Variants in CNTFR observed in about 807,000 individuals in gnomAD.
The protein encoded by CNTFR is ciliary neurotrophic factor receptor.
In CNTFR, 12 loss-of-function variants were observed where a neutral mutation model predicts 40.4. That is an observed-to-expected ratio of 0.30 (90% CI 0.19 to 0.48). CNTFR has a LOEUF of 0.48. Ranked by LOEUF, CNTFR falls within the 20% of genes least tolerant of loss-of-function variation. The probability of loss-of-function intolerance (pLI) is 0.99; values close to 1 mark genes in which losing one functional copy is unlikely to be tolerated. For synonymous variants in CNTFR, 202 were observed against 209.6 expected (o/e 0.96, Z 0.31); for missense variants, 414 against 506.8 (o/e 0.82, Z 1.76).
chr9:34,551,690 T>A lies in CNTFR; in HGVS notation c.*381A>T. On this transcript the variant is annotated 3_prime_UTR_variant, in exon 10 of 10. Transcript: ENST00000378980. ...GCATCAGGAGCTTATAATCTGATGG[T>A]GGCAACAGAGACCCTGGGATAGACA... 2 of 403,056 alleles carry A rather than the reference T, an allele frequency of 5.0e-6. No individual in the cohort carries two copies. The highest frequency in any genetic ancestry group is 4.6e-5 in the South Asian group (2 of 43,412). The allele number at this position is 403,056 out of a possible 1,614,324, so 25.0% of individuals were successfully genotyped here.
chr9:34,589,891 C>G (rs1271284760), upstream of CNTFR, among the ~76,000 whole-genome samples: 1 of 149,816 alleles, frequency 6.7e-6, no homozygotes, highest in Non-Finnish European at 1.5e-5. This position sits in a 1 kb window ranked among gnomAD's most constrained non-coding sequence, Gnocchi z 4.4. Context: ...CGCGGCCGCG[C>G]GCCACGACCC....
chr9:34,557,413 C>T lies in CNTFR; in HGVS notation c.604+113G>A. On this transcript the variant is annotated intron_variant, in intron 6 of 9. Transcript: ENST00000378980. The surrounding 1 kb of genome is among the most constrained non-coding windows in gnomAD (Gnocchi z 4.2). The stretch of plus-strand genomic sequence containing the variant: ...TGCACTGTACATACCTGTGCAGAGG[C>T]ATGTACATGCCATGTATACATGTGC... 1.7e-6 allele frequency: 2 copies of T among 1,162,898 alleles called. No individual in the cohort carries two copies. The highest frequency in any genetic ancestry group is 1.5e-5 in the South Asian group (1 of 68,518). The allele number at this position is 1,162,898 out of a possible 1,614,324, so 72.0% of individuals were successfully genotyped here.
chr9:34,551,906 G>T lies in CNTFR; in HGVS notation c.*165C>A, dbSNP rs1053610296. 3 of 706,322 alleles carry T rather than the reference G, an allele frequency of 4.2e-6. No individual in the cohort carries two copies. The highest frequency in any genetic ancestry group is 2.0e-5 in the Admixed American group (1 of 49,550). The allele number at this position is 706,322 out of a possible 1,614,324, so 43.8% of individuals were successfully genotyped here. A position where few individuals can be genotyped will look rare whatever the true frequency, so the allele number is the denominator to read the frequency against. On this transcript the variant is annotated 3_prime_UTR_variant, in exon 10 of 10. Coordinates refer to ENST00000378980, the MANE Select transcript of CNTFR (RefSeq NM_147164.3). ...AGGGCCAGCTTGGTGCGGCAGGGCT[G>T]GGGGGCGGCAGGCCCGGGCCCGCCG...
rs764924216 is a variant in CNTFR, at chr9:34,552,068, G to T, written c.*3C>A. On this transcript the variant is annotated 3_prime_UTR_variant, in exon 10 of 10. Coordinates refer to ENST00000378980, the MANE Select transcript of CNTFR (RefSeq NM_147164.3). The surrounding 1 kb of genome is among the most constrained non-coding windows in gnomAD (Gnocchi z 5.1). The stretch of plus-strand genomic sequence containing the variant: ...CTCTGCATGTCCTCATGGGGTGCCG[G>T]GCTCTGTAGAGACAGGCAGGGGCCT... 8 of 1,513,932 alleles carry T rather than the reference G, an allele frequency of 5.3e-6. No individual in the cohort carries two copies. In the African/African-American group the frequency reaches 9.6e-5, roughly 18 times the overall value. The allele number at this position is 1,513,932 out of a possible 1,614,324, so 93.8% of individuals were successfully genotyped here. A position where few individuals can be genotyped will look rare whatever the true frequency, so the allele number is the denominator to read the frequency against.
chr9:34,571,753 A>G (rs1178538645), intron 2 of CNTFR, among the ~76,000 whole-genome samples: 2 of 152,090 alleles, frequency 1.3e-5, no homozygotes, highest in Admixed American at 1.3e-4. Context: ...GCCAAGACAG[A>G]CACTGCAGGG....
In CNTFR at chr9:34,552,221, C is replaced by G; in HGVS notation, c.1058G>C (p.Ser353Thr). 1.3e-6 allele frequency: 2 copies of G among 1,573,996 alleles called. No individual in the cohort carries two copies. The highest frequency in any genetic ancestry group is 1.7e-6 in the Non-Finnish European group (2 of 1,160,046). The change falls in exon 9 of 10, where the codon AGC becomes ACC. Residue 353 changes from serine to threonine, a missense_variant. Ser to Thr is a moderately conservative substitution (Grantham distance 58). Coordinates refer to ENST00000378980, the MANE Select transcript of CNTFR (RefSeq NM_147164.3). The surrounding 1 kb of genome is among the most constrained non-coding windows in gnomAD (Gnocchi z 5.1). ...GGGPSAPFLV[S>T]VPITLALAAA... is the part of the protein sequence containing the mutation. ...AGCCAGGGCCAGAGTGATGGGGACG[C>G]TGACCAAGAAGGGTGCCGAGGGTCC... is the stretch of plus-strand genomic sequence containing the variant.
At chr9:34,576,676 T>C (rs1826981193) in intron 2 of CNTFR, among the ~76,000 whole-genome samples, 1 of 152,238 alleles carries the variant, frequency 6.6e-6, no homozygotes, top group Non-Finnish European at 1.5e-5. Context: ...GGGAGATCCA[T>C]TCCAGACAGG....
rs1344314425 is a variant in CNTFR at position 34,557,345 on chromosome 9, C to T, written c.604+181G>A. Among the ~76,000 whole-genome samples, 4 of 152,178 alleles carry T rather than the reference C, an allele frequency of 2.6e-5. No individual in the cohort carries two copies. Among genetic ancestry groups the T allele is most frequent in the African/African-American group, 7.2e-5 (3 of 41,432 alleles). On this transcript the variant is annotated intron_variant, in intron 6 of 9. Transcript: ENST00000378980. The surrounding 1 kb of genome is among the most constrained non-coding windows in gnomAD (Gnocchi z 4.2). ...TTCAGGTAAAGGACATTCACTTACA[C>T]GTTCACAGGTGTATATGTCATGCAT... is the stretch of plus-strand genomic sequence containing the variant.
rs1825902247 is a variant in CNTFR at position 34,557,631 on chromosome 9, G to A, written c.499C>T (p.Arg167Cys). Reference sequence around the variant, plus strand: ...ATGGTGGAGAACAGGTGCATGTAGCGAATGTGGCAGCGGTTCTTGAGGGCT... The same window carrying A: ...ATGGTGGAGAACAGGTGCATGTAGCAAATGTGGCAGCGGTTCTTGAGGGCT... ...DPALKNRCHI[R>C]YMHLFSTIKY... Residue 167 changes from arginine (R) to cysteine (C), a missense_variant, in exon 6 of 10, where the codon CGC (arginine) becomes TGC (cysteine). Transcript: ENST00000378980. This position sits in a 1 kb window ranked among gnomAD's most constrained non-coding sequence, Gnocchi z 4.2. 8 of 1,614,218 alleles carry A rather than the reference G, an allele frequency of 5.0e-6. No homozygotes were observed. The highest frequency in any genetic ancestry group is 2.2e-5 in the East Asian group (1 of 44,890).
At chr9:34,555,574 C>T (rs1353152505) in intron 7 of CNTFR, among the ~76,000 whole-genome samples, 2 of 152,094 alleles carry the variant, frequency 1.3e-5, no homozygotes, top group Non-Finnish European at 2.9e-5. Context: ...TAGTCTGACC[C>T]CATACTGACC....
At chr9:34,576,981 C>G (rs971863094) in intron 2 of CNTFR, among the ~76,000 whole-genome samples, 6 of 152,364 alleles carry the variant, frequency 3.9e-5, no homozygotes, top group South Asian at 4.1e-4. Flanking sequence ...AGCCCCCCAG[C>G]CCCCACCAAA....
Position 34,557,305 on chromosome 9 carries a change from C to G in CNTFR, c.604+221G>C, listed in dbSNP as rs1283281898. On this transcript the variant is annotated intron_variant, in intron 6 of 9. Coordinates refer to ENST00000378980, the MANE Select transcript of CNTFR (RefSeq NM_147164.3). The surrounding 1 kb of genome is among the most constrained non-coding windows in gnomAD (Gnocchi z 4.2). ...AAAAATGATCGAAAGAGCTGCTGGA[C>G]AGGTCTCTCGGCCCTTCAGGTAAAG... 6.6e-6 allele frequency among the ~76,000 whole-genome samples: 1 copy of G among 152,188 alleles called. No homozygotes were observed. Among genetic ancestry groups the G allele is most frequent in the Non-Finnish European group, 1.5e-5 (1 of 68,026 alleles).
chr9:34,556,018 A>G (rs1351054239), intron 7 of CNTFR, among the ~76,000 whole-genome samples: 2 of 140,692 alleles, frequency 1.4e-5, no homozygotes, highest in Non-Finnish European at 1.5e-5. Context: ...CCACGACCCC[A>G]GGGAGCCACA....
chr9:34,590,406 C>G (rs1467967947), upstream of CNTFR, among the ~76,000 whole-genome samples: 1 of 152,206 alleles, frequency 6.6e-6, no homozygotes, highest in Non-Finnish European at 1.5e-5. Flanking sequence ...GCCAGAACCC[C>G]CAACCCCCAC....
intron 4 of CNTFR, among the ~76,000 whole-genome samples, chr9:34,562,271 C>T (rs1337587322): frequency 6.6e-6 from 1 of 152,172 alleles, no homozygotes; most frequent in South Asian, 2.1e-4. Flanking sequence ...GCTGAGTGCT[C>T]CACTTCTGAT....
chr9:34,564,904 T>A, intron 3 of CNTFR, 72 bp from the exon 4 acceptor site: 1 of 1,334,788 alleles, frequency 7.5e-7, no homozygotes, highest in East Asian at 2.4e-5. Context: ...GCGAGCGTGC[T>A]CAGACAAGAG....
At position 34,552,658 on chromosome 9, in the gene CNTFR, G is replaced by A. The variant is rs781150307; in HGVS notation, c.949+16C>T. On this transcript the variant is annotated intron_variant, in intron 8 of 9. Transcript: ENST00000378980. This position sits in a 1 kb window ranked among gnomAD's most constrained non-coding sequence, Gnocchi z 5.1. ...AGGACAGCAAAGCCAGGAGGTAGGG[G>A]CGGGAGCAAGCTCACCCGCAGCCTG... 4 of 1,610,580 alleles carry A rather than the reference G, an allele frequency of 2.5e-6. No individual in the cohort carries two copies. Among genetic ancestry groups the A allele is most frequent in the African/African-American group, 1.3e-5 (1 of 74,886 alleles).
At position 34,557,702 on chromosome 9, in the gene CNTFR, G is replaced by C; in HGVS notation, c.438-10C>G. ...AATTTTGGAGCCATGCCTGGGGAGA[G>C]GTGAGACCCAGGCACTGTTACGAAC... On this transcript the variant is annotated splice_polypyrimidine_tract_variant and intron_variant, in intron 5 of 9. Coordinates refer to ENST00000378980, the MANE Select transcript of CNTFR (RefSeq NM_147164.3). The surrounding 1 kb of genome is among the most constrained non-coding windows in gnomAD (Gnocchi z 4.2). 3 of 1,614,052 alleles carry C rather than the reference G, an allele frequency of 1.9e-6. No individual in the cohort carries two copies. Among genetic ancestry groups the C allele is most frequent in the Non-Finnish European group, 2.5e-6 (3 of 1,179,926 alleles).
In CNTFR at chr9:34,558,039, C is replaced by A; in HGVS notation, c.320-55G>T. 2.3e-6 allele frequency: 3 copies of A among 1,284,016 alleles called. No homozygotes were observed. In the South Asian group the frequency reaches 4.8e-5, roughly 21 times the overall value. The allele number at this position is 1,284,016 out of a possible 1,614,324, so 79.5% of individuals were successfully genotyped here. ...TTCTTGGAGCTCCCAGTCCCCTGCA[C>A]TGTATGGGGACAGGTGGGCCCCAGA... On this transcript the variant is annotated intron_variant, in intron 4 of 9. Coordinates refer to ENST00000378980, the MANE Select transcript of CNTFR (RefSeq NM_147164.3).
Sources: gnomAD v4.1 joint callset for allele counts (sites outside exome capture counted in the v4.1 genomes callset) on GRCh38, gnomAD v4.1.1 for gene constraint, Gnocchi (gnomAD v3.1) non-coding constraint, MANE v1.5 for transcripts, NCBI Gene and HGNC (gene_info 2026-07-23, HGNC 2026-07-21) for gene names.